The following SLC2A13 variants were observed in gnomAD, a reference collection of about 807,000 sequenced individuals.
The protein encoded by SLC2A13 is proton myo-inositol cotransporter.
A neutral mutation model predicts 64.4 loss-of-function variants in SLC2A13; 32 were observed. The observed-to-expected ratio is 0.50, with a 90% CI of 0.37 to 0.67. The LOEUF (loss-of-function observed/expected upper bound fraction) is 0.67, where lower values mean the gene tolerates loss of function less well. Ranked by LOEUF, SLC2A13 falls within the 30% of genes least tolerant of loss-of-function variation. The probability of loss-of-function intolerance (pLI) is 0.00; values close to 1 mark genes in which losing one functional copy is unlikely to be tolerated. For missense variants in SLC2A13, 743 were observed against 829.2 expected, an observed-to-expected ratio of 0.90 and a Z score of 1.28; for synonymous variants, 338 against 327.1, an observed-to-expected ratio of 1.03 and a Z score of -0.36.
At chr12:40,023,221 A>G (rs1327297393) in intron 3 of SLC2A13, among the ~76,000 whole-genome samples, 2 of 152,144 alleles carry the variant, frequency 1.3e-5, no homozygotes, top group Non-Finnish European at 2.9e-5. Context: ...TTTCCTTCCA[A>G]TGATCCTGCC....
chr12:39,831,872 G>A (rs1434486502), intron 6 of SLC2A13, among the ~76,000 whole-genome samples: 2 of 152,110 alleles, frequency 1.3e-5, no homozygotes, highest in Admixed American at 1.3e-4. Flanking sequence ...TCAGCACCAT[G>A]CTTCCTGTGC....
chr12:39,851,091 G>C (rs780006481), intron 6 of SLC2A13, among the ~76,000 whole-genome samples: 2 of 151,908 alleles, frequency 1.3e-5, no homozygotes, highest in Non-Finnish European at 2.9e-5. Flanking sequence ...GTAGAGATGG[G>C]GTTTCACTAT....
At chr12:39,821,503 A>G (rs1942509178) in intron 7 of SLC2A13, among the ~76,000 whole-genome samples, 1 of 152,290 alleles carries the variant, frequency 6.6e-6, no homozygotes, top group Non-Finnish European at 1.5e-5. Flanking sequence ...TCAGAGTAAC[A>G]AAAGAGAGCG....
At chr12:40,016,951 T>C (rs1400978909) in intron 3 of SLC2A13, among the ~76,000 whole-genome samples, 2 of 152,122 alleles carry the variant, frequency 1.3e-5, no homozygotes, top group Non-Finnish European at 2.9e-5. Context: ...CACAACGAGT[T>C]TCTAAACATA....
intron 6 of SLC2A13, among the ~76,000 whole-genome samples, chr12:39,832,651 C>G (rs1024165637): frequency 6.6e-6 from 1 of 152,002 alleles, no homozygotes; most frequent in African/African-American, 2.4e-5. Flanking sequence ...CAGTCACTGC[C>G]CTCGTGAAGC....
At chr12:39,989,304 A>G (rs897411414) in intron 3 of SLC2A13, among the ~76,000 whole-genome samples, 1 of 152,184 alleles carries the variant, frequency 6.6e-6, no homozygotes, top group Non-Finnish European at 1.5e-5. Context: ...ACCTATAAAA[A>G]GGTGCAACCC....
At chr12:39,868,861 C>A (rs904307239) in intron 5 of SLC2A13, among the ~76,000 whole-genome samples, 4 of 152,108 alleles carry the variant, frequency 2.6e-5, no homozygotes, top group African/African-American at 4.8e-5. Flanking sequence ...ATATTTTGTA[C>A]TTCTTTGTAT....
At chr12:39,765,354 T>A (rs1461375714) in intron 7 of SLC2A13, among the ~76,000 whole-genome samples, 2 of 152,028 alleles carry the variant, frequency 1.3e-5, no homozygotes, top group Non-Finnish European at 2.9e-5. Flanking sequence ...AATAGCCCTC[T>A]CCCTTTCTGC....
intron 4 of SLC2A13, among the ~76,000 whole-genome samples, chr12:39,886,375 C>A (rs1286186598): frequency 1.3e-5 from 2 of 151,934 alleles, no homozygotes; most frequent in African/African-American, 4.8e-5. Context: ...AACATGCTTG[C>A]TCAATTATTA....
intron 3 of SLC2A13, among the ~76,000 whole-genome samples, chr12:39,979,059 G>A (rs1356660058): frequency 6.6e-6 from 1 of 151,820 alleles, no homozygotes; most frequent in Non-Finnish European, 1.5e-5. Flanking sequence ...CCCAGCAGCG[G>A]CACACTGACA....
chr12:39,913,004 TTTGAAAGATATC>T (rs1386131598), intron 4 of SLC2A13, among the ~76,000 whole-genome samples: 3 of 152,118 alleles, frequency 2.0e-5, no homozygotes, highest in Non-Finnish European at 4.4e-5. Context: ...ATGAGTCCTC[TTTGAAAGATATC>T]TTGAAAGATG....
chr12:39,831,146 C>T (rs1040435767), intron 6 of SLC2A13, among the ~76,000 whole-genome samples: 4 of 152,136 alleles, frequency 2.6e-5, no homozygotes, highest in African/African-American at 9.7e-5. Flanking sequence ...GCCCAAATCT[C>T]CCTGCTCCTT....
intron 2 of SLC2A13, among the ~76,000 whole-genome samples, chr12:40,029,853 T>C (rs570506216): frequency 2.0e-5 from 3 of 152,308 alleles, no homozygotes; most frequent in African/African-American, 7.2e-5. Context: ...AGGCCATGGA[T>C]TGTGATAATT....
intron 2 of SLC2A13, among the ~76,000 whole-genome samples, chr12:40,032,638 T>C (rs1947922525): frequency 6.6e-6 from 1 of 152,332 alleles, no homozygotes; most frequent in Non-Finnish European, 1.5e-5. Context: ...CCTCCTGCTA[T>C]GGCTCAGCTG....
chr12:39,786,080 A>G (rs1409368727), intron 7 of SLC2A13, among the ~76,000 whole-genome samples: 1 of 151,400 alleles, frequency 6.6e-6, no homozygotes, highest in African/African-American at 2.5e-5. Flanking sequence ...GGAAGGCATG[A>G]TTAGTTTTGA....
chr12:40,058,434 T>C (rs7954510), intron 1 of SLC2A13, among the ~76,000 whole-genome samples: 24,634 of 152,082 alleles, frequency 0.16, 2,570 homozygotes, highest in Non-Finnish European at 0.22. Flanking sequence ...AATTAGAAAT[T>C]GCATTCCTAA....
chr12:40,073,781 A>G (rs540118209), intron 1 of SLC2A13, among the ~76,000 whole-genome samples: 1 of 151,752 alleles, frequency 6.6e-6, no homozygotes, highest in Non-Finnish European at 1.5e-5. Context: ...AATATATAAT[A>G]TTATTTATTA....
In SLC2A13 at chr12:40,008,443, T is replaced by C. The variant is rs28370761; in HGVS notation, c.925+19858A>G. ...TAACATGATGAAACCCCGTCTCTAC[T>C]GAAAATACAAAAACAACATTAGCCA... On this transcript the variant is annotated intron_variant, in intron 3 of 9. Transcript: ENST00000280871. 9.8e-3 allele frequency among the ~76,000 whole-genome samples: 1,494 copies of C among 152,138 alleles called. 20 individuals are homozygous for C. Among genetic ancestry groups the C allele is most frequent in the African/African-American group, 0.034 (1,423 of 41,520 alleles).
intron 3 of SLC2A13, among the ~76,000 whole-genome samples, chr12:39,988,018 G>C (rs1179044306): frequency 2.6e-5 from 4 of 152,102 alleles, no homozygotes; most frequent in Non-Finnish European, 5.9e-5. Context: ...TCTGAACTTA[G>C]TAAATCCCCT....
Sources: gnomAD v4.1 joint callset for allele counts (sites outside exome capture counted in the v4.1 genomes callset) on GRCh38, gnomAD v4.1.1 for gene constraint, MANE v1.5 for transcripts, NCBI Gene and HGNC (gene_info 2026-07-23, HGNC 2026-07-21) for gene names.